MRTFB: variants seen among roughly 807,000 people sequenced by gnomAD.
MRTFB encodes the protein myocardin-related transcription factor B.
MRTFB carries 29 observed loss-of-function variants against 104.2 expected under a neutral mutation model. That is an observed-to-expected ratio of 0.28 (90% CI 0.21 to 0.38). The LOEUF (loss-of-function observed/expected upper bound fraction) is 0.38. MRTFB is among the 10% of genes least tolerant of loss of function. The probability of loss-of-function intolerance (pLI) is 1.00; values close to 1 mark genes in which losing one functional copy is unlikely to be tolerated. For missense variants in MRTFB, 1,270 were observed against 1,341.6 expected (o/e 0.95, Z 0.83); for synonymous variants, 535 against 519.5 (o/e 1.03, Z -0.41).
At chr16:14,243,634 AT>A (rs1410504787) in intron 10 of MRTFB, among the ~76,000 whole-genome samples, 3 of 152,218 alleles carry the variant, frequency 2.0e-5, no homozygotes, top group Admixed American at 2.0e-4. Flanking sequence ...CTGTAGTAGA[AT>A]TTGACAAGTG....
At chr16:14,024,485 C>T in the MRTFB span, among the ~76,000 whole-genome samples, 2 of 152,194 alleles carry the variant, frequency 1.3e-5, no homozygotes, top group African/African-American at 2.4e-5. Flanking sequence ...ATGGCCACTG[C>T]AGAGGGCAGC....
the MRTFB span, among the ~76,000 whole-genome samples, chr16:14,006,661 T>A: frequency 2.0e-5 from 3 of 152,216 alleles, no homozygotes; most frequent in Non-Finnish European, 1.5e-5. Flanking sequence ...TGTTTGCATG[T>A]TTCAATATTT....
At chr16:14,202,293 G>GGA (rs2040743325) in intron 3 of MRTFB, among the ~76,000 whole-genome samples, 1 of 152,072 alleles carries the variant, frequency 6.6e-6, no homozygotes, top group Admixed American at 6.5e-5. Context: ...TTACCTCTGG[G>GGA]GAGAATGACT....
At chr16:14,242,176 G>A (rs988034571) in intron 10 of MRTFB, among the ~76,000 whole-genome samples, 1 of 151,962 alleles carries the variant, frequency 6.6e-6, no homozygotes, top group Non-Finnish European at 1.5e-5. Context: ...CCTTATCTTT[G>A]AAACAGTCTT....
At chr16:14,087,891 A>G (rs1424335519) in intron 2 of MRTFB, among the ~76,000 whole-genome samples, 1 of 152,224 alleles carries the variant, frequency 6.6e-6, no homozygotes, top group Non-Finnish European at 1.5e-5. Context: ...ACTGCAAAAT[A>G]TGCATTTCCC....
intron 2 of MRTFB, among the ~76,000 whole-genome samples, chr16:14,095,532 A>C (rs2035311882): frequency 6.6e-6 from 1 of 152,246 alleles, no homozygotes; most frequent in South Asian, 2.1e-4. Context: ...ATCTTCCTTC[A>C]AAAGAAAGGG....
intron 3 of MRTFB, among the ~76,000 whole-genome samples, chr16:14,190,940 T>A (rs1211766637): frequency 6.6e-6 from 1 of 152,220 alleles, no homozygotes; most frequent in Non-Finnish European, 1.5e-5. Flanking sequence ...TTATGGTAGA[T>A]GGCCCAGCCA....
At chr16:14,198,166 ATTTTT>A (rs1213305412) in intron 3 of MRTFB, among the ~76,000 whole-genome samples, 1 of 152,182 alleles carries the variant, frequency 6.6e-6, no homozygotes, top group Non-Finnish European at 1.5e-5. Flanking sequence ...TATTTAATTT[ATTTTT>A]ATGACTGAAT....
chr16:14,147,473 C>G (rs556660911), intron 3 of MRTFB, among the ~76,000 whole-genome samples: 1 of 152,170 alleles, frequency 6.6e-6, no homozygotes, highest in Non-Finnish European at 1.5e-5. Context: ...TAAATAAGCA[C>G]CTGTAACCCT....
At chr16:14,079,853 A>G (rs1477687466) in intron 2 of MRTFB, among the ~76,000 whole-genome samples, 1 of 152,186 alleles carries the variant, frequency 6.6e-6, no homozygotes, top group Non-Finnish European at 1.5e-5. Context: ...GACTGCTATT[A>G]ATATTTTGGT....
Position 14,132,730 on chromosome 16 carries a change from T to C in MRTFB, c.-63-7814T>C, listed in dbSNP as rs571501983. On this transcript the variant is annotated intron_variant, in intron 2 of 16. Coordinates refer to ENST00000571589, the MANE Select transcript of MRTFB (RefSeq NM_001308142.2). ...TTAACGTATTTTTTAAAATGCTTCG[T>C]GGCAGAAGCTTTCTTAGCCATCCGC... 9.2e-5 allele frequency among the ~76,000 whole-genome samples: 14 copies of C among 152,348 alleles called. No homozygotes were observed. In the South Asian group the frequency reaches 2.3e-3, roughly 25 times the overall value.
chr16:14,065,176 C>T, the MRTFB span, among the ~76,000 whole-genome samples: 1 of 152,190 alleles, frequency 6.6e-6, no homozygotes, highest in Non-Finnish European at 1.5e-5. Context: ...TCTTTCCCCT[C>T]CCTGGGTAGC....
chr16:14,144,996 G>GTGTA (rs1567380323), intron 3 of MRTFB, among the ~76,000 whole-genome samples: 2 of 103,440 alleles, frequency 1.9e-5, no homozygotes, highest in African/African-American at 1.3e-4. Context: ...ATATATATAT[G>GTGTA]TATATATATA....
At chr16:14,038,603 G>T in the MRTFB span, among the ~76,000 whole-genome samples, 1 of 152,186 alleles carries the variant, frequency 6.6e-6, no homozygotes, top group Non-Finnish European at 1.5e-5. Flanking sequence ...CTCAGACACA[G>T]AGCTTTGGCA....
chr16:14,169,435 T>A (rs1466834197), intron 3 of MRTFB, among the ~76,000 whole-genome samples: 1 of 140,056 alleles, frequency 7.1e-6, no homozygotes, highest in Non-Finnish European at 1.5e-5. Flanking sequence ...CACCTTTTTT[T>A]AACTTTGCCC....
rs756614788 is a variant in MRTFB at position 14,240,363 on chromosome 16, C to T, written c.958C>T (p.Pro320Ser). 5.6e-6 allele frequency: 9 copies of T among 1,614,086 alleles called. No homozygotes were observed. The highest frequency in any genetic ancestry group is 7.6e-6 in the Non-Finnish European group (9 of 1,180,040). ...PPDQKGEKNE[P>S]QMDSNYARLL... is the part of the protein sequence containing the mutation. ...AGATCAGAAGGGTGAGAAGAATGAG[C>T]CGCAGATGGACTCTAACTACGCCCG... is the stretch of plus-strand genomic sequence containing the variant. Residue 320 changes from proline to serine, a missense_variant, in exon 10 of 17, where the codon CCG becomes TCG. This residue lies in a region of MRTFB where 1,144 missense variants were observed against 1,131.5 expected (regional missense o/e 1.01). Coordinates refer to ENST00000571589, the MANE Select transcript of MRTFB (RefSeq NM_001308142.2).
At chr16:14,023,726 A>C in the MRTFB span, among the ~76,000 whole-genome samples, 1 of 151,796 alleles carries the variant, frequency 6.6e-6, no homozygotes, top group Non-Finnish European at 1.5e-5. Context: ...AGGAGTGAAT[A>C]AGTTTACATA....
At chr16:14,143,507 TTC>T (rs200634795) in intron 3 of MRTFB, 36 of 143,002 alleles carry the variant, frequency 2.5e-4, no homozygotes, top group African/African-American at 9.5e-4. Flanking sequence ...GTAGTACTGA[TTC>T]TTTTTTTTTT....
the MRTFB span, among the ~76,000 whole-genome samples, chr16:13,995,189 G>T: frequency 0.014 from 2,171 of 152,256 alleles, 25 homozygotes; most frequent in Middle Eastern, 0.065. Flanking sequence ...CAGTAAGGAG[G>T]CCATGGCCTT....
Sources: gnomAD v4.1 joint callset for allele counts (sites outside exome capture counted in the v4.1 genomes callset) on GRCh38, gnomAD v4.1.1 for gene constraint, gnomAD v4.1.1 regional missense constraint, MANE v1.5 for transcripts, NCBI Gene and HGNC (gene_info 2026-07-23, HGNC 2026-07-21) for gene names.